Variants in LAMA2 observed in about 807,000 individuals in gnomAD.
LAMA2 encodes the protein laminin subunit alpha 2, also known as laminin subunit alpha-2.
Under a neutral mutation model 364.8 loss-of-function variants are expected in LAMA2, and 269 were observed. The observed-to-expected ratio is 0.74, with a 90% CI of 0.67 to 0.82. The LOEUF is 0.82. Ranked by LOEUF, LAMA2 falls within the 40% of genes least tolerant of loss-of-function variation. The probability of loss-of-function intolerance (pLI) is 0.00; values close to 1 mark genes in which losing one functional copy is unlikely to be tolerated. For missense variants in LAMA2, 3,807 were observed against 3,873.2 expected (o/e 0.98, Z 0.45); for synonymous variants, 1,379 against 1,370.6 (o/e 1.01, Z -0.14).
At chr6:129,224,158 G>T (rs1253403716) in intron 12 of LAMA2, among the ~76,000 whole-genome samples, 3 of 152,174 alleles carry the variant, frequency 2.0e-5, no homozygotes, top group African/African-American at 7.2e-5. Context: ...TCTGTTGTTA[G>T]TGTATAAGAA....
At chr6:128,967,232 C>G (rs1781900603) in intron 1 of LAMA2, among the ~76,000 whole-genome samples, 1 of 152,138 alleles carries the variant, frequency 6.6e-6, no homozygotes, top group Admixed American at 6.6e-5. Context: ...AAGGTAGATT[C>G]AAGCCCTCTA....
intron 8 of LAMA2, among the ~76,000 whole-genome samples, chr6:129,164,111 C>A (rs1779598998): frequency 6.6e-6 from 1 of 152,032 alleles, no homozygotes. Flanking sequence ...AGGATATGTT[C>A]CAGGAACCCC....
At chr6:129,336,923 A>C (rs1401490733) in intron 29 of LAMA2, among the ~76,000 whole-genome samples, 1 of 152,238 alleles carries the variant, frequency 6.6e-6, no homozygotes, top group Non-Finnish European at 1.5e-5. Flanking sequence ...AGTATTATCT[A>C]ATGTGTTGGA....
chr6:129,293,015 T>C, intron 20 of LAMA2: 1 of 985,932 alleles, frequency 1.0e-6, no homozygotes, highest in Non-Finnish European at 1.2e-6. Flanking sequence ...AGAGGTGGGC[T>C]ATCGGCAGCT....
intron 30 of LAMA2, among the ~76,000 whole-genome samples, chr6:129,348,764 T>A (rs1334318547): frequency 6.6e-6 from 1 of 152,146 alleles, no homozygotes; most frequent in Non-Finnish European, 1.5e-5. Context: ...TAGTTTGAAA[T>A]CTGGATGTAA....
In LAMA2 at chr6:129,300,834, C is replaced by T. The variant is rs1450038326; in HGVS notation, c.3136C>T (p.Pro1046Ser). The change falls in exon 22 of 65, where the codon CCC becomes TCC. Residue 1046 changes from proline to serine, a missense_variant. Transcript: ENST00000421865. ...TGGAGAGAAATGTTCTAAATGTGCA[C>T]CCAATACCTGGGGCCACAGCATTAC... ...TIGEKCSKCA[P>S]NTWGHSITTG... 2.5e-6 allele frequency: 4 copies of T among 1,613,674 alleles called. No individual in the cohort carries two copies. The African/African-American group carries it at 4.0e-5, about 16-fold the overall frequency.
chr6:129,475,435 T>G, intron 53 of LAMA2, 34 bp downstream of exon 53: 1 of 1,547,334 alleles, frequency 6.5e-7, no homozygotes, highest in South Asian at 1.1e-5. Flanking sequence ...CTTCTTCGAG[T>G]GCATGGGTTG....
intron 32 of LAMA2, among the ~76,000 whole-genome samples, chr6:129,354,685 T>C (rs1777053569): frequency 6.6e-6 from 1 of 152,162 alleles, no homozygotes; most frequent in South Asian, 2.1e-4. Context: ...ATCATATTAA[T>C]GTTAAGCACA....
intron 12 of LAMA2, among the ~76,000 whole-genome samples, chr6:129,207,868 T>C (rs1015635144): frequency 2.0e-5 from 3 of 152,090 alleles, no homozygotes; most frequent in Non-Finnish European, 4.4e-5. Context: ...TTCTTAGTAA[T>C]GTCTCAGAAG....
At position 129,404,028 on chromosome 6, in the gene LAMA2, G is replaced by A. The variant is rs1268842166; in HGVS notation, c.5865+69G>A. ...TTTTGAATTTTTCAAATGTAAGTCAGTCTGGAAAATCCCAGTAAATTGGTA... is the reference window on the plus strand; with the variant it reads ...TTTTGAATTTTTCAAATGTAAGTCAATCTGGAAAATCCCAGTAAATTGGTA... On this transcript the variant is annotated intron_variant, in intron 40 of 64. Coordinates refer to ENST00000421865, the MANE Select transcript of LAMA2 (RefSeq NM_000426.4). 1.9e-6 allele frequency: 3 copies of A among 1,555,772 alleles called. No individual in the cohort carries two copies. The African/African-American group carries it at 4.1e-5, about 21-fold the overall frequency.
chr6:129,466,626 G>A (rs1783558012), intron 51 of LAMA2, among the ~76,000 whole-genome samples: 2 of 151,950 alleles, frequency 1.3e-5, no homozygotes, highest in East Asian at 1.9e-4. Flanking sequence ...TCAGTAAGAA[G>A]AATGTTTAGC....
At chr6:129,155,659 G>A (rs1266848927) in intron 8 of LAMA2, among the ~76,000 whole-genome samples, 1 of 151,928 alleles carries the variant, frequency 6.6e-6, no homozygotes, top group Non-Finnish European at 1.5e-5. Flanking sequence ...AGCACCATTT[G>A]TTGAAAAATC....
intron 58 of LAMA2, among the ~76,000 whole-genome samples, chr6:129,492,984 G>A (rs1400670693): frequency 3.3e-5 from 5 of 151,988 alleles, no homozygotes; most frequent in East Asian, 1.9e-4. Flanking sequence ...GTGAAACCCC[G>A]TCTCTTCTAA....
At chr6:129,255,681 T>C (rs1224069313) in intron 14 of LAMA2, among the ~76,000 whole-genome samples, 2 of 151,984 alleles carry the variant, frequency 1.3e-5, no homozygotes, top group African/African-American at 2.4e-5. Flanking sequence ...AATTTTGCGG[T>C]TTGGGATCAA....
chr6:129,196,353 T>G (rs914672831), intron 12 of LAMA2, among the ~76,000 whole-genome samples: 11 of 152,212 alleles, frequency 7.2e-5, no homozygotes, highest in African/African-American at 2.7e-4. Context: ...ATTTGAGATT[T>G]GTAGGACAGG....
At position 129,114,934 on chromosome 6, in the gene LAMA2, A is replaced by T. The variant is rs957986170; in HGVS notation, c.639+16519A>T. On this transcript the variant is annotated intron_variant, in intron 4 of 64. Transcript: ENST00000421865. The stretch of plus-strand genomic sequence containing the variant: ...TTTGTGGTATTTGCATATGTCATTC[A>T]TTTATGTACTACAGCTACACCTAAA... Among the ~76,000 whole-genome samples, 3 of 152,232 alleles carry T rather than the reference A, an allele frequency of 2.0e-5. No homozygotes were observed. In the East Asian group the frequency reaches 5.8e-4, roughly 29 times the overall value.
chr6:129,218,343 C>G (rs185944600), intron 12 of LAMA2, among the ~76,000 whole-genome samples: 1 of 152,088 alleles, frequency 6.6e-6, no homozygotes, highest in African/African-American at 2.4e-5. Context: ...AATAACTATT[C>G]AAAAATGTTT....
At chr6:129,396,958 A>T in intron 37 of LAMA2, among the ~76,000 whole-genome samples, 1 of 15,584 alleles carries the variant, frequency 6.4e-5, no homozygotes, top group Admixed American at 3.4e-4. Context: ...CCTGGATGAC[A>T]GTGAGACAAT....
chr6:128,935,421 T>C (rs1562847525), intron 1 of LAMA2, among the ~76,000 whole-genome samples: 3 of 152,156 alleles, frequency 2.0e-5, no homozygotes, highest in South Asian at 2.1e-4. Flanking sequence ...TCTGTAGTAT[T>C]CCATGGTGTA....
Sources: gnomAD v4.1 joint callset for allele counts (sites outside exome capture counted in the v4.1 genomes callset) on GRCh38, gnomAD v4.1.1 for gene constraint, MANE v1.5 for transcripts, NCBI Gene and HGNC (gene_info 2026-07-23, HGNC 2026-07-21) for gene names.